The following GATA5 variants were observed in gnomAD, a reference collection of about 807,000 sequenced individuals.
GATA5 encodes transcription factor GATA-5.
In GATA5, 27 loss-of-function variants were observed where a neutral mutation model predicts 35.0. The observed-to-expected ratio is 0.77, with a 90% CI of 0.57 to 1.06. The LOEUF (loss-of-function observed/expected upper bound fraction) is 1.06, where lower values mean the gene tolerates loss of function less well. Among genes scored for constraint, GATA5 ranks in the 50% least tolerant of loss-of-function variants. GATA5 has a pLI of 0.00. For synonymous variants in GATA5, 306 were observed against 267.8 expected, an observed-to-expected ratio of 1.14 and a Z score of -1.39; for missense variants, 612 against 580.0, an observed-to-expected ratio of 1.06 and a Z score of -0.57.
At position 62,475,047 on chromosome 20, in the gene GATA5, A is replaced by C; in HGVS notation, c.475T>G (p.Phe159Val). The C allele has an allele frequency of 7.1e-7, 1 of 1,407,020 alleles. No individual in the cohort carries two copies. 87.2% of individuals were successfully genotyped at this position (1,407,020 alleles called of 1,614,324 possible). Reference protein sequence around the residue: ...DVAQSWTAGPFDGSVLHGLPG... With the variant: ...DVAQSWTAGPVDGSVLHGLPG... ...AGGCCGTGCAGGACGCTGCCATCGA[A>C]GGGCCCGGCAGTCCAGGACTGGGCC... The change falls in exon 2 of 7, where the codon TTC becomes GTC. Residue 159 changes from phenylalanine to valine, a missense_variant. Transcript: ENST00000252997.
At position 62,470,629 on chromosome 20, in the gene GATA5, A is replaced by G. The variant is rs1555896464; in HGVS notation, c.699+2774T>C. On this transcript the variant is annotated intron_variant, in intron 3 of 6. Transcript: ENST00000252997. This position sits in a 1 kb window ranked among gnomAD's most constrained non-coding sequence, Gnocchi z 4.6. ...TCAGCGGGAAGGGACGCTTGGCTCC[A>G]TGCAACACTGGGCTACTTCCTGGAG... 6.6e-6 allele frequency among the ~76,000 whole-genome samples: 1 copy of G among 152,158 alleles called. No individual in the cohort carries two copies. The highest frequency in any genetic ancestry group is 1.5e-5 in the Non-Finnish European group (1 of 68,020).
Position 62,475,371 on chromosome 20 carries a change from G to A in GATA5, c.151C>T (p.Pro51Ser). ...SMLSYLSGCE[P>S]SPQPPELAAR... Reference sequence around the variant, plus strand: ...GCGAGCTCGGGGGGCTGCGGGCTCGGCTCACACCCGGACAGGTAGGACAGC... The same window carrying A: ...GCGAGCTCGGGGGGCTGCGGGCTCGACTCACACCCGGACAGGTAGGACAGC... Residue 51 changes from proline (P) to serine (S), a missense_variant, in exon 2 of 7, where the codon CCG (proline) becomes TCG (serine). Physicochemically the swap from Pro to Ser is moderately conservative, Grantham distance 74 (BLOSUM62 -1). Transcript: ENST00000252997. The A allele has an allele frequency of 7.8e-7, 1 of 1,290,104 alleles. No homozygotes were observed. Among genetic ancestry groups the A allele is most frequent in the Non-Finnish European group, 9.8e-7 (1 of 1,019,094 alleles). 79.9% of individuals were successfully genotyped at this position (1,290,104 alleles called of 1,614,324 possible).
rs963592895 is a variant in GATA5, at chr20:62,470,121, C to T, written c.699+3282G>A. Among the ~76,000 whole-genome samples, 4 of 152,274 alleles carry T rather than the reference C, an allele frequency of 2.6e-5. No individual in the cohort carries two copies. Among genetic ancestry groups the T allele is most frequent in the African/African-American group, 7.2e-5 (3 of 41,480 alleles). ...AAAGCCTCCTTGCGCGCAGCAGAGC[C>T]GCTCTAAGCACCAGGCTCTGTGTGC... On this transcript the variant is annotated intron_variant, in intron 3 of 6. Coordinates refer to ENST00000252997, the MANE Select transcript of GATA5 (RefSeq NM_080473.5). The surrounding 1 kb of genome is among the most constrained non-coding windows in gnomAD (Gnocchi z 4.6).
intron 3 of GATA5, among the ~76,000 whole-genome samples, chr20:62,472,451 C>T (rs1359051890): frequency 6.6e-6 from 1 of 152,192 alleles, no homozygotes; most frequent in African/African-American, 2.4e-5. Flanking sequence ...GCAAGGACAG[C>T]GGCAGGAGGG....
At chr20:62,468,646 A>G (rs1412626274) in intron 3 of GATA5, among the ~76,000 whole-genome samples, 1 of 152,270 alleles carries the variant, frequency 6.6e-6, no homozygotes, top group African/African-American at 2.4e-5. Flanking sequence ...GGCCAGGCCA[A>G]TGAGGCCGGG....
Position 62,465,852 on chromosome 20 carries a change from T to C in GATA5, c.895A>G (p.Lys299Glu). Residue 299 changes from lysine (K) to glutamate (E), a missense_variant, in exon 5 of 7, where the codon AAG (lysine) becomes GAG (glutamate). Physicochemically the swap from Lys to Glu is moderately conservative, Grantham distance 56. Coordinates refer to ENST00000252997, the MANE Select transcript of GATA5 (RefSeq NM_080473.5). ...TRKRKPKTIA[K>E]ARGSSGSTRN... is the part of the protein sequence containing the mutation. ...CACGCACCTGAGGAGCCCCTGGCCT[T>C]GGCGATGGTCTTTGGCTTCCGCTTC... is the stretch of plus-strand genomic sequence containing the variant. 6.3e-7 allele frequency: 1 copy of C among 1,592,892 alleles called. No homozygotes were observed. The highest frequency in any genetic ancestry group is 1.1e-5 in the South Asian group (1 of 87,424).
In GATA5 at chr20:62,471,448, T is replaced by TTTTTTTTTTTTTTTTTTTTTTTG. The variant is rs1216745509; in HGVS notation, c.699+1954_699+1955insCAAAAAAAAAAAAAAAAAAAAAA. Among the ~76,000 whole-genome samples, 4 of 142,274 alleles carry TTTTTTTTTTTTTTTTTTTTTTTG rather than the reference T, an allele frequency of 2.8e-5. 1 individual carries two copies. The highest frequency in any genetic ancestry group is 6.2e-5 in the Non-Finnish European group (4 of 64,868). The allele number at this position is 142,274 out of a possible 152,430, so 93.3% of individuals were successfully genotyped here. A position where few individuals can be genotyped will look rare whatever the true frequency, so the allele number is the denominator to read the frequency against. ...TCAATTACAATTTTTTTTTTTTTTTTTGTGATGAGGTCTTGCTCTGTTGCC... is the reference window on the plus strand; with the variant it reads ...TCAATTACAATTTTTTTTTTTTTTTTTTTTTTTTTTTTTTTTTTTTTTGTGTGATGAGGTCTTGCTCTGTTGCC... On this transcript the variant is annotated intron_variant, in intron 3 of 6. Transcript: ENST00000252997.
chr20:62,465,895 C>G lies in GATA5; in HGVS notation c.852G>C (p.Lys284Asn), dbSNP rs6587239. The G allele has an allele frequency of 9.4e-6, 15 of 1,595,634 alleles. No homozygotes were observed. The highest frequency in any genetic ancestry group is 1.3e-5 in the Non-Finnish European group (15 of 1,171,136). The change falls in exon 5 of 7, where the codon AAG (lysine) becomes AAC (asparagine). Residue 284 changes from lysine to asparagine, a missense_variant. By Grantham distance (94) the Lys-to-Asn change is moderately conservative. Coordinates refer to ENST00000252997, the MANE Select transcript of GATA5 (RefSeq NM_080473.5). ...TCCGCTTCCGTGTCTGGATGCTTTCCTTCTTCATAGCCAGAGGCCGCGGCA... is the reference window on the plus strand; with the variant it reads ...TCCGCTTCCGTGTCTGGATGCTTTCGTTCTTCATAGCCAGAGGCCGCGGCA... ...HGVPRPLAMKKESIQTRKRKP... is the reference protein window; with the variant it reads ...HGVPRPLAMKNESIQTRKRKP...
intron 5 of GATA5, among the ~76,000 whole-genome samples, 161 bp downstream of exon 5, chr20:62,465,673 C>G (rs1989566449): frequency 6.6e-6 from 1 of 152,110 alleles, no homozygotes; most frequent in East Asian, 1.9e-4. Context: ...CCCTGGCACC[C>G]CACACCCCCC....
intron 3 of GATA5, among the ~76,000 whole-genome samples, chr20:62,471,448 T>TTTTTTG (rs1216745509): frequency 7.0e-6 from 1 of 142,274 alleles, no homozygotes; most frequent in Non-Finnish European, 1.5e-5. Context: ...TTTTTTTTTT[T>TTTTTTG]TGTGATGAGG....
chr20:62,468,959 A>G (rs1989660112), intron 3 of GATA5, among the ~76,000 whole-genome samples: 1 of 152,230 alleles, frequency 6.6e-6, no homozygotes, highest in Non-Finnish European at 1.5e-5. Context: ...TGATGGGTCT[A>G]GAAGCAGCTA....
chr20:62,472,143 C>T (rs957779584), intron 3 of GATA5, among the ~76,000 whole-genome samples: 1 of 152,122 alleles, frequency 6.6e-6, no homozygotes, highest in African/African-American at 2.4e-5. Flanking sequence ...AGAGTCACAG[C>T]GGCACACAAG....
chr20:62,474,132 C>A (rs1555896864), intron 2 of GATA5, among the ~76,000 whole-genome samples: 1 of 152,228 alleles, frequency 6.6e-6, no homozygotes, highest in Non-Finnish European at 1.5e-5. Context: ...TGGCTGTGGT[C>A]GCAACCAGTG....
chr20:62,464,665 C>T lies in GATA5; in HGVS notation c.*171G>A. The T allele has an allele frequency of 3.7e-6, 2 of 540,754 alleles. No individual in the cohort carries two copies. Among genetic ancestry groups the T allele is most frequent in the Non-Finnish European group, 6.2e-6 (2 of 321,272 alleles). The allele number at this position is 540,754 out of a possible 1,614,324, so 33.5% of individuals were successfully genotyped here. A position where few individuals can be genotyped will look rare whatever the true frequency, so the allele number is the denominator to read the frequency against. ...CCAGCCTTCTTGCTCTGGGGCCCGA[C>T]TGCCGTCTGTCCAGAAGGCCTCCCC... On this transcript the variant is annotated 3_prime_UTR_variant, in exon 7 of 7. Coordinates refer to ENST00000252997, the MANE Select transcript of GATA5 (RefSeq NM_080473.5).
Position 62,475,214 on chromosome 20 carries a change from C to T in GATA5, c.308G>A (p.Gly103Asp), listed in dbSNP as rs781841004. Residue 103 changes from glycine to aspartate, a missense_variant, in exon 2 of 7, where the codon GGC becomes GAC. Gly to Asp is a moderately conservative substitution (Grantham distance 94). Coordinates refer to ENST00000252997, the MANE Select transcript of GATA5 (RefSeq NM_080473.5). ...FPFAHSPSGPGSGGSAGGRDG... is the reference protein window; with the variant it reads ...FPFAHSPSGPDSGGSAGGRDG... ...TCGGCCCCCCGCGCTGCCGCCGCTG[C>T]CGGGCCCCGAGGGGCTGTGCGCGAA... is the stretch of plus-strand genomic sequence containing the variant. 2.4e-6 allele frequency: 3 copies of T among 1,252,674 alleles called. No individual in the cohort carries two copies. The highest frequency in any genetic ancestry group is 3.1e-5 in the African/African-American group (2 of 64,492). The allele number at this position is 1,252,674 out of a possible 1,614,324, so 77.6% of individuals were successfully genotyped here.
Position 62,463,574 on chromosome 20 carries a change from G to T in GATA5, c.*1262C>A, listed in dbSNP as rs9965. 22 of 152,158 alleles carry T rather than the reference G, an allele frequency of 1.4e-4. No individual in the cohort carries two copies. Among genetic ancestry groups the T allele is most frequent in the Admixed American group, 7.9e-4 (12 of 15,286 alleles). The allele number at this position is 152,158 out of a possible 1,614,324, so 9.4% of individuals were successfully genotyped here. ...GAAAAGATGACATCGCATAGAAGTG[G>T]GGCTGGAAGAACCTCTGGAGGGACA... On this transcript the variant is annotated 3_prime_UTR_variant, in exon 7 of 7. Coordinates refer to ENST00000252997, the MANE Select transcript of GATA5 (RefSeq NM_080473.5).
In GATA5 at chr20:62,465,438, G is replaced by C. The variant is rs1183636103; in HGVS notation, c.940C>G (p.Pro314Ala). The part of the protein sequence containing the change: ...SGSTRNASAS[P>A]SAVASTDSSA... ...CTGTCAGTGCTGGCGACAGCAGATG[G>C]GGAGGCCGAGGCATTCCTTGTGGAT... The change falls in exon 6 of 7, where the codon CCA (proline) becomes GCA (alanine). Residue 314 changes from proline to alanine, a missense_variant. Transcript: ENST00000252997. 1 of 1,608,832 alleles carries C rather than the reference G, an allele frequency of 6.2e-7. No homozygotes were observed. The highest frequency in any genetic ancestry group is 1.3e-5 in the African/African-American group (1 of 74,900).
intron 2 of GATA5, 30 bp from the exon 3 acceptor site, chr20:62,473,608 G>T: frequency 6.4e-7 from 1 of 1,557,966 alleles, no homozygotes; most frequent in Non-Finnish European, 8.7e-7. Flanking sequence ...GTGGGCCCGG[G>T]CCCTCCCCTC....
Position 62,475,140 on chromosome 20 carries a change from C to A in GATA5, c.382G>T (p.Ala128Ser). The change falls in exon 2 of 7, where the codon GCC (alanine) becomes TCC (serine). Residue 128 changes from alanine to serine, a missense_variant. Physicochemically the swap from Ala to Ser is moderately conservative, Grantham distance 99. Transcript: ENST00000252997. ...GALLPREQFA[A>S]PLGRPVGTSY... ...GTCCCCACCGGCCGCCCAAGCGGGG[C>A]CGCGAACTGTTCTCGAGGCAACAGC... 7.4e-7 allele frequency: 1 copy of A among 1,358,082 alleles called. No individual in the cohort carries two copies. The highest frequency in any genetic ancestry group is 9.5e-7 in the Non-Finnish European group (1 of 1,052,838). 84.1% of individuals were successfully genotyped at this position (1,358,082 alleles called of 1,614,324 possible). A position where few individuals can be genotyped will look rare whatever the true frequency, so the allele number is the denominator to read the frequency against.
Sources: gnomAD v4.1 joint callset for allele counts (sites outside exome capture counted in the v4.1 genomes callset) on GRCh38, gnomAD v4.1.1 for gene constraint, Gnocchi (gnomAD v3.1) non-coding constraint, MANE v1.5 for transcripts, NCBI Gene and HGNC (gene_info 2026-07-23, HGNC 2026-07-21) for gene names.